Variants in ZNF577 observed in about 807,000 individuals in gnomAD.
ZNF577 encodes zinc finger protein 577.
A neutral mutation model predicts 13.9 loss-of-function variants in ZNF577; 14 were observed. The ratio of observed to expected loss-of-function variants is 1.00; its 90% CI spans 0.66 to 1.57. The LOEUF is 1.57. Ranked by LOEUF, ZNF577 falls within the 40% of genes most tolerant of loss-of-function variation. The probability of loss-of-function intolerance (pLI) is 0.00; values close to 1 mark genes in which losing one functional copy is unlikely to be tolerated. For synonymous variants in ZNF577, 203 were observed against 202.9 expected (o/e 1.00, Z 0.00); for missense variants, 555 against 579.2 (o/e 0.96, Z 0.43).
At chr19:51,838,945 A>G (rs2084303951) in intron 9 of ZNF577, among the ~76,000 whole-genome samples, 1 of 152,186 alleles carries the variant, frequency 6.6e-6, no homozygotes, top group Non-Finnish European at 1.5e-5. Flanking sequence ...TGAAAGCAGA[A>G]AAGGAAAAGT....
chr19:51,806,746 T>C (rs1430165347), intron 10 of ZNF577, among the ~76,000 whole-genome samples: 1 of 152,238 alleles, frequency 6.6e-6, no homozygotes, highest in Non-Finnish European at 1.5e-5. Context: ...AATGTCGCTG[T>C]ACATGACCAG....
In ZNF577 at chr19:51,873,721, A is replaced by G; in HGVS notation, c.284-15T>C. 6.4e-7 allele frequency: 1 copy of G among 1,573,132 alleles called. No homozygotes were observed. The highest frequency in any genetic ancestry group is 8.6e-7 in the Non-Finnish European group (1 of 1,156,408). ...GATTACAAAACCTAAATGAGATTTC[A>G]AACTTTTACAATGCGAGCCAAACTT... On this transcript the variant is annotated splice_polypyrimidine_tract_variant and intron_variant, in intron 5 of 5. Transcript: ENST00000638348.
At position 51,880,361 on chromosome 19, in the gene ZNF577, T is replaced by C. The variant is rs112415723; in HGVS notation, c.22A>G (p.Met8Val). Reference protein sequence around the residue: MKNATIVMSVRREQGSSS... With the variant: MKNATIVVSVRREQGSSS... ...CTGCCTTGCTCTCTCCTCACAGACA[T>C]TACAATCGTGGCATTTTTCATGTGT... Residue 8 changes from methionine (M) to valine (V), a missense_variant, in exon 3 of 6, where the codon ATG becomes GTG. By Grantham distance (21) the Met-to-Val change is conservative (BLOSUM62 1). Coordinates refer to ENST00000638348, the MANE Select transcript of ZNF577 (RefSeq NM_001370449.1). The C allele has an allele frequency of 6.2e-7, 1 of 1,614,010 alleles. No homozygotes were observed. Among genetic ancestry groups the C allele is most frequent in the African/African-American group, 1.3e-5 (1 of 74,920 alleles).
At chr19:51,877,223 C>T in intron 5 of ZNF577, 59 bp downstream of exon 5, 1 of 1,476,432 alleles carries the variant, frequency 6.8e-7, no homozygotes, top group Non-Finnish European at 9.5e-7. Flanking sequence ...CAACCCTTCT[C>T]CGACCAGCTG....
Position 51,835,411 on chromosome 19 carries a change from TA to T in ZNF577, c.*599+4481del, listed in dbSNP as rs201214634. Among the ~76,000 whole-genome samples, 218 of 141,854 alleles carry T rather than the reference TA, an allele frequency of 1.5e-3. 2 individuals carry two copies. Among genetic ancestry groups the T allele is most frequent in the Admixed American group, 4.1e-3 (59 of 14,218 alleles). The allele number at this position is 141,854 out of a possible 152,430, so 93.1% of individuals were successfully genotyped here. ...AATTGAATTTCTAATCAATACCCAT[TA>T]AAAAAAAAAAAAACTTCAGGCTTGC... On this transcript the variant is annotated intron_variant and NMD_transcript_variant, in intron 9 of 10. Coordinates refer to the ZNF577 transcript ENST00000638827.
chr19:51,885,775 T>A (rs1231117114), intron 1 of ZNF577, among the ~76,000 whole-genome samples: 4 of 152,210 alleles, frequency 2.6e-5, no homozygotes, highest in Non-Finnish European at 5.9e-5. Flanking sequence ...CCCAAAGTGC[T>A]GGGATTACAG....
chr19:51,861,002 G>A, intron 5 of ZNF577: 2 of 411,442 alleles, frequency 4.9e-6, no homozygotes, highest in Non-Finnish European at 9.4e-6. Flanking sequence ...AATATAATTT[G>A]AGAATGATTT....
chr19:51,848,436 CCA>C (rs1379557070), intron 5 of ZNF577, among the ~76,000 whole-genome samples: 3 of 152,146 alleles, frequency 2.0e-5, no homozygotes, highest in African/African-American at 7.2e-5. Flanking sequence ...ATCTGTACTC[CCA>C]CATTTACTGA....
intron 10 of ZNF577, among the ~76,000 whole-genome samples, chr19:51,808,949 C>T (rs2084079151): frequency 6.6e-6 from 1 of 152,208 alleles, no homozygotes; most frequent in Non-Finnish European, 1.5e-5. Flanking sequence ...CTGAGCCATT[C>T]TAATAGTGAG....
intron 4 of ZNF577, 32 bp from the exon 5 acceptor site, chr19:51,877,409 C>A: frequency 1.9e-6 from 3 of 1,572,446 alleles, no homozygotes; most frequent in Non-Finnish European, 2.6e-6. Context: ...ACACTTGGCA[C>A]GTGTGCTTGG....
chr19:51,829,371 C>T (rs544624160), intron 9 of ZNF577, among the ~76,000 whole-genome samples: 2 of 152,154 alleles, frequency 1.3e-5, no homozygotes, highest in Admixed American at 6.5e-5. Flanking sequence ...CCCCACCCCC[C>T]AAGACAGCAG....
At chr19:51,863,694 G>A (rs115646654), downstream of ZNF577, among the ~76,000 whole-genome samples, 1,795 of 152,236 alleles carry the variant, frequency 0.012, 41 homozygotes, top group African/African-American at 0.041. Flanking sequence ...TTGGAGACAA[G>A]CATTTTCAAA....
At chr19:51,854,543 A>G (rs1020894071) in intron 5 of ZNF577, among the ~76,000 whole-genome samples, 1 of 133,302 alleles carries the variant, frequency 7.5e-6, no homozygotes, top group African/African-American at 3.0e-5. Context: ...TATGTTGCCC[A>G]TGCTTCTCCT....
chr19:51,875,932 C>T (rs1175496616), intron 5 of ZNF577, among the ~76,000 whole-genome samples: 4 of 152,204 alleles, frequency 2.6e-5, no homozygotes, highest in Non-Finnish European at 4.4e-5. Flanking sequence ...GACATTCAGA[C>T]GTAGAACAGA....
intron 9 of ZNF577, among the ~76,000 whole-genome samples, chr19:51,814,608 C>A (rs1019236069): frequency 6.6e-6 from 1 of 152,040 alleles, no homozygotes; most frequent in African/African-American, 2.4e-5. Flanking sequence ...ATTCTCCTGC[C>A]GCAGTCTCCT....
At chr19:51,825,623 T>G (rs866072238) in intron 9 of ZNF577, 1 of 167,140 alleles carries the variant, frequency 6.0e-6, no homozygotes, top group Admixed American at 6.5e-5. Flanking sequence ...AAAACCAACA[T>G]ACATCTTAAT....
Position 51,883,069 on chromosome 19 carries a change from C to T in ZNF577, c.-218-2192G>A, listed in dbSNP as rs147450383. ...AGTGCAGTAGCGCGATCTCAGCTCA[C>T]TGCAACCTCCACCTCCCGGGTTCAA... On this transcript the variant is annotated intron_variant, in intron 1 of 5. Transcript: ENST00000638348. Among the ~76,000 whole-genome samples, 499 of 150,608 alleles carry T rather than the reference C, an allele frequency of 3.3e-3. 22 individuals are homozygous for T. The East Asian group carries it at 0.088, about 27-fold the overall frequency.
At chr19:51,814,281 C>T (rs376722391) in intron 9 of ZNF577, among the ~76,000 whole-genome samples, 25 of 152,132 alleles carry the variant, frequency 1.6e-4, no homozygotes, top group Non-Finnish European at 2.2e-4. Context: ...CCATCTCCTC[C>T]GATTTAGACC....
intron 5 of ZNF577, among the ~76,000 whole-genome samples, chr19:51,849,915 T>C (rs559745538): frequency 6.6e-6 from 1 of 152,312 alleles, no homozygotes; most frequent in African/African-American, 2.4e-5. Context: ...TACAGCAACA[T>C]GAATGAAGTT....
Sources: gnomAD v4.1 joint callset for allele counts (sites outside exome capture counted in the v4.1 genomes callset) on GRCh38, gnomAD v4.1.1 for gene constraint, MANE v1.5 for transcripts, NCBI Gene and HGNC (gene_info 2026-07-23, HGNC 2026-07-21) for gene names.